Variants in AFDN observed in about 807,000 individuals in gnomAD.
The protein encoded by AFDN is afadin.
AFDN carries 68 observed loss-of-function variants against 216.6 expected under a neutral mutation model. The observed-to-expected ratio is 0.31, with a 90% CI of 0.26 to 0.38. The LOEUF (loss-of-function observed/expected upper bound fraction) is 0.38. Ranked by LOEUF, AFDN falls within the 10% of genes least tolerant of loss-of-function variation. The probability of loss-of-function intolerance (pLI) is 1.00; values close to 1 mark genes in which losing one functional copy is unlikely to be tolerated. For synonymous variants in AFDN, 868 were observed against 853.7 expected, an observed-to-expected ratio of 1.02 and a Z score of -0.29; for missense variants, 2,136 against 2,342.0, an observed-to-expected ratio of 0.91 and a Z score of 1.82.
At chr6:167,913,796 A>G in intron 16 of AFDN, 1 of 394,188 alleles carries the variant, frequency 2.5e-6, no homozygotes, top group South Asian at 4.0e-5. Context: ...GACTACAAGT[A>G]TCAGGGTGGC....
intron 15 of AFDN, 56 bp from the exon 16 acceptor site, chr6:167,913,347 T>C (rs1562660369): frequency 1.3e-6 from 2 of 1,511,120 alleles, no homozygotes; most frequent in Non-Finnish European, 1.8e-6. Flanking sequence ...ATCATGATTG[T>C]TTACAAGTTT....
At chr6:167,851,300 C>T (rs1205937844) in intron 1 of AFDN, among the ~76,000 whole-genome samples, 1 of 152,126 alleles carries the variant, frequency 6.6e-6, no homozygotes, top group Non-Finnish European at 1.5e-5. Flanking sequence ...CAGGGGACAT[C>T]TGCAGGGTAT....
At position 167,971,260 on chromosome 6, in the gene AFDN, T is replaced by C; in HGVS notation, c.*1325T>C. ...CACACTTTCAAAGAGAATGTTCTCT[T>C]ACACATACGTATGTTAGGAAAATAG... is the stretch of plus-strand genomic sequence containing the variant. On this transcript the variant is annotated 3_prime_UTR_variant, in exon 34 of 34. Coordinates refer to ENST00000683244, the MANE Select transcript of AFDN (RefSeq NM_001386888.1). 1 of 219,894 alleles carries C rather than the reference T, an allele frequency of 4.5e-6. No individual in the cohort carries two copies. The highest frequency in any genetic ancestry group is 2.2e-5 in the African/African-American group (1 of 44,670). The allele number at this position is 219,894 out of a possible 1,614,324, so 13.6% of individuals were successfully genotyped here. A position where few individuals can be genotyped will look rare whatever the true frequency, so the allele number is the denominator to read the frequency against.
intron 6 of AFDN, among the ~76,000 whole-genome samples, chr6:167,885,945 A>G (rs1455242698): frequency 1.3e-5 from 2 of 152,374 alleles, no homozygotes; most frequent in Admixed American, 6.5e-5. Context: ...TGCCTAGAAA[A>G]GATACTAGCT....
At chr6:167,909,604 A>G (rs963126529) in intron 13 of AFDN, among the ~76,000 whole-genome samples, 1 of 152,182 alleles carries the variant, frequency 6.6e-6, no homozygotes, top group Non-Finnish European at 1.5e-5. Flanking sequence ...TGCTGCTGAA[A>G]TGACTGTTGT....
In AFDN at chr6:167,962,353, T is replaced by A. The variant is rs2128745901; in HGVS notation, c.4834-80T>A. On this transcript the variant is annotated intron_variant, in intron 30 of 33. Transcript: ENST00000683244. The surrounding 1 kb of genome is among the most constrained non-coding windows in gnomAD (Gnocchi z 5.2). ...GTGTGTGTGTTTGTGTATATGTGTG[T>A]CTACTTGTCTTAATGTGTGCATTTT... The A allele has an allele frequency of 1.3e-6, 2 of 1,581,158 alleles. No homozygotes were observed. The highest frequency in any genetic ancestry group is 4.5e-5 in the East Asian group (2 of 44,312).
rs193192904 is a variant in AFDN, at chr6:167,830,722, C to T, written c.105+3485C>T. Among the ~76,000 whole-genome samples, 192 of 152,236 alleles carry T rather than the reference C, an allele frequency of 1.3e-3. 3 individuals are homozygous for T. Among genetic ancestry groups the T allele is most frequent in the African/African-American group, 4.5e-3 (186 of 41,528 alleles). On this transcript the variant is annotated intron_variant, in intron 1 of 33. Coordinates refer to ENST00000683244, the MANE Select transcript of AFDN (RefSeq NM_001386888.1). ...ACATATGCTTTATTACAGGTGAATA[C>T]ATTACATTTTAATACTCTGATTAAT...
intron 23 of AFDN, among the ~76,000 whole-genome samples, chr6:167,939,080 A>G (rs1276952349): frequency 6.6e-6 from 1 of 152,240 alleles, no homozygotes; most frequent in Non-Finnish European, 1.5e-5. Context: ...AAAACATACC[A>G]GAAATGGAGG....
In AFDN at chr6:167,827,114, A is replaced by G; in HGVS notation, c.-19A>G. 8.1e-7 allele frequency: 1 copy of G among 1,229,706 alleles called. No individual in the cohort carries two copies. The highest frequency in any genetic ancestry group is 1.0e-6 in the Non-Finnish European group (1 of 954,276). The allele number at this position is 1,229,706 out of a possible 1,614,324, so 76.2% of individuals were successfully genotyped here. Reference sequence around the variant, plus strand: ...CTCCGGCCCCGGCCCCGCGCGGCTGAGGAGGCGCGGCCAGGACCATGTCGG... The same window carrying G: ...CTCCGGCCCCGGCCCCGCGCGGCTGGGGAGGCGCGGCCAGGACCATGTCGG... On this transcript the variant is annotated 5_prime_UTR_variant, in exon 1 of 34. Transcript: ENST00000683244.
intron 8 of AFDN, among the ~76,000 whole-genome samples, chr6:167,892,780 C>CT (rs1485435130): frequency 1.3e-5 from 2 of 152,152 alleles, no homozygotes; most frequent in East Asian, 3.8e-4. Context: ...TTCTTTCATA[C>CT]TTATAGTCTC....
At chr6:167,855,210 TA>T (rs1335796030) in intron 1 of AFDN, among the ~76,000 whole-genome samples, 1 of 152,118 alleles carries the variant, frequency 6.6e-6, no homozygotes, top group Non-Finnish European at 1.5e-5. Flanking sequence ...TAATCTTTTT[TA>T]AAACTATTAA....
intron 16 of AFDN, chr6:167,913,905 C>T (rs541004033): frequency 5.1e-5 from 25 of 485,890 alleles, no homozygotes; most frequent in South Asian, 1.2e-4. Context: ...TCCATTTCTC[C>T]GCTGATTCCA....
intron 23 of AFDN, chr6:167,932,551 A>C (rs914658439): frequency 6.6e-6 from 1 of 152,232 alleles, no homozygotes; most frequent in African/African-American, 2.4e-5. Flanking sequence ...AAGAGCCTGA[A>C]TATTGCATTG....
chr6:167,957,589 C>A (rs1188907748), intron 30 of AFDN, among the ~76,000 whole-genome samples: 1 of 152,176 alleles, frequency 6.6e-6, no homozygotes, highest in African/African-American at 2.4e-5. Flanking sequence ...TATGATGAAG[C>A]CCATTGTGTC....
At chr6:167,846,449 GA>G (rs1007246313) in intron 1 of AFDN, among the ~76,000 whole-genome samples, 1 of 151,792 alleles carries the variant, frequency 6.6e-6, no homozygotes, top group African/African-American at 2.4e-5. Flanking sequence ...GGGGATAAAT[GA>G]ACATAAACAA....
intron 1 of AFDN, among the ~76,000 whole-genome samples, chr6:167,844,610 A>G (rs1219906844): frequency 6.6e-6 from 1 of 152,090 alleles, no homozygotes; most frequent in Non-Finnish European, 1.5e-5. Flanking sequence ...ATAGATTCCT[A>G]TGAGTGCAAT....
chr6:167,856,189 A>G (rs1172625494), intron 1 of AFDN, among the ~76,000 whole-genome samples: 1 of 152,110 alleles, frequency 6.6e-6, no homozygotes, highest in East Asian at 1.9e-4. Flanking sequence ...TATTTTACTT[A>G]AGGGCCACAA....
At chr6:167,943,762 TAGTC>T (rs1259541369) in intron 25 of AFDN, among the ~76,000 whole-genome samples, 175 bp from the exon 26 acceptor site, 3 of 152,212 alleles carry the variant, frequency 2.0e-5, no homozygotes, top group African/African-American at 4.8e-5. Context: ...CCTATTTTCA[TAGTC>T]AGTTTTCAAA....
intron 1 of AFDN, among the ~76,000 whole-genome samples, chr6:167,852,419 T>A (rs1782424430): frequency 6.6e-6 from 1 of 152,190 alleles, no homozygotes; most frequent in Non-Finnish European, 1.5e-5. Flanking sequence ...TTGACATGTT[T>A]CTCTAGCTTT....
Sources: allele counts gnomAD v4.1 joint callset (sites outside exome capture counted in the v4.1 genomes callset), GRCh38; gene constraint gnomAD v4.1.1; non-coding constraint Gnocchi (gnomAD v3.1); transcripts MANE v1.5; gene names NCBI Gene and HGNC (gene_info 2026-07-23, HGNC 2026-07-21).